The following PRSS23 variants were observed in gnomAD, a reference collection of about 807,000 sequenced individuals.
PRSS23 encodes protease, serine 23.
A neutral mutation model predicts 34.7 loss-of-function variants in PRSS23; 25 were observed. The observed-to-expected ratio is 0.72, with a 90% confidence interval of 0.53 to 1.01. The LOEUF is 1.01. Among genes scored for constraint, PRSS23 ranks in the 50% least tolerant of loss-of-function variants. The probability of loss-of-function intolerance (pLI) is 0.00; values close to 1 mark genes in which losing one functional copy is unlikely to be tolerated. For missense variants in PRSS23, 445 were observed against 475.6 expected (o/e 0.94, Z 0.60); for synonymous variants, 176 against 186.6 (o/e 0.94, Z 0.46).
intron 1 of PRSS23, among the ~76,000 whole-genome samples, chr11:86,820,581 C>T (rs1275098371): frequency 6.6e-6 from 1 of 152,166 alleles, no homozygotes; most frequent in African/African-American, 2.4e-5. Context: ...TTAAGTATTA[C>T]TAACGCTTTA....
intron 2 of PRSS23, among the ~76,000 whole-genome samples, chr11:86,854,299 C>T (rs907504644): frequency 9.2e-5 from 14 of 152,150 alleles, no homozygotes; most frequent in Admixed American, 1.3e-4. Context: ...CGCACCTGGC[C>T]GCTATATCTT....
intron 2 of PRSS23, among the ~76,000 whole-genome samples, chr11:86,892,834 G>A (rs1459384316): frequency 6.6e-6 from 1 of 152,114 alleles, no homozygotes; most frequent in Admixed American, 6.5e-5. Flanking sequence ...ATGTTTGAAA[G>A]TTTTGAGACC....
intron 1 of PRSS23, among the ~76,000 whole-genome samples, chr11:86,804,284 C>G (rs767904030): frequency 7.9e-5 from 12 of 152,202 alleles, no homozygotes; most frequent in Non-Finnish European, 1.5e-4. Flanking sequence ...TTAAAAATAT[C>G]TAAGCCTAAT....
chr11:86,946,104 CTG>C (rs796761368), intron 2 of PRSS23: 2 of 152,624 alleles, frequency 1.3e-5, no homozygotes, highest in African/African-American at 2.4e-5. Flanking sequence ...CACAACATCC[CTG>C]TGAGGTAGAC....
chr11:86,843,761 A>G (rs1948465938), intron 2 of PRSS23, among the ~76,000 whole-genome samples: 1 of 152,170 alleles, frequency 6.6e-6, no homozygotes, highest in South Asian at 2.1e-4. Flanking sequence ...AAAAGTCAGG[A>G]AACAACAGAT....
intron 2 of PRSS23, among the ~76,000 whole-genome samples, chr11:86,839,350 C>T (rs773878061): frequency 1.3e-5 from 2 of 150,414 alleles, no homozygotes; most frequent in Non-Finnish European, 3.0e-5. Context: ...ATGATGCATG[C>T]GTTATCAGTG....
At chr11:86,924,792 C>G (rs1222642024) in intron 2 of PRSS23, among the ~76,000 whole-genome samples, 2 of 152,184 alleles carry the variant, frequency 1.3e-5, no homozygotes, top group African/African-American at 4.8e-5. Context: ...GTGAACGGTT[C>G]AGTATGGCTT....
At chr11:86,823,294 G>A (rs1948267441) in intron 1 of PRSS23, 9 of 669,812 alleles carry the variant, frequency 1.3e-5, no homozygotes, top group Admixed American at 1.3e-4. Context: ...AGAGACTGAC[G>A]GTCCGAGATG....
intron 1 of PRSS23, among the ~76,000 whole-genome samples, chr11:86,801,915 T>C (rs1344510459): frequency 2.0e-5 from 3 of 152,244 alleles, no homozygotes; most frequent in African/African-American, 7.2e-5. Context: ...TAACTTGTCC[T>C]TTCCTGTGCC....
At chr11:86,865,624 A>G (rs986411372) in intron 2 of PRSS23, among the ~76,000 whole-genome samples, 2 of 152,128 alleles carry the variant, frequency 1.3e-5, no homozygotes, top group African/African-American at 4.8e-5. Context: ...GTTCTGTTTG[A>G]TCATCAGTTA....
chr11:86,857,770 A>G lies in PRSS23; in HGVS notation c.206+34177A>G, dbSNP rs910530753. 71 of 1,054,548 alleles carry G rather than the reference A, an allele frequency of 6.7e-5. 1 individual carries two copies. In the African/African-American group the frequency reaches 8.9e-4, roughly 13 times the overall value. 65.3% of individuals were successfully genotyped at this position (1,054,548 alleles called of 1,614,324 possible). ...TCTGCTATGCGACTGCATGTCCACA[A>G]TCATCTTGGGAACTGTGGCCGAGGT... On this transcript the variant is annotated intron_variant, in intron 2 of 2. Transcript: ENST00000533902.
intron 2 of PRSS23, among the ~76,000 whole-genome samples, chr11:86,942,717 T>TA (rs140459974): frequency 0.016 from 2,403 of 152,300 alleles, 26 homozygotes; most frequent in South Asian, 0.027. Context: ...AAAGATGAAA[T>TA]GACTGAAGGA....
At chr11:86,938,904 CAT>C in intron 2 of PRSS23, 1 of 349,200 alleles carries the variant, frequency 2.9e-6, no homozygotes, top group Non-Finnish European at 5.6e-6. Flanking sequence ...GTCAGTAAGA[CAT>C]ATACACCAGA....
chr11:86,910,512 A>G (rs2134992945), intron 2 of PRSS23: 2 of 152,240 alleles, frequency 1.3e-5, no homozygotes, highest in East Asian at 3.8e-4. Context: ...CAGGTAAAAA[A>G]TAACATATGG....
intron 2 of PRSS23, among the ~76,000 whole-genome samples, chr11:86,840,620 T>A (rs532080662): frequency 5.5e-4 from 83 of 152,288 alleles, no homozygotes; most frequent in African/African-American, 1.9e-3. Context: ...CTAATAGACA[T>A]CTACAGAACT....
chr11:86,858,346 A>G (rs538869697), intron 2 of PRSS23, among the ~76,000 whole-genome samples: 2 of 152,162 alleles, frequency 1.3e-5, no homozygotes, highest in Admixed American at 6.5e-5. Flanking sequence ...AGGGGTTTAC[A>G]TCACTCCTGT....
chr11:86,920,955 GA>G (rs1170257215), intron 2 of PRSS23, among the ~76,000 whole-genome samples: 1 of 152,134 alleles, frequency 6.6e-6, no homozygotes, highest in Non-Finnish European at 1.5e-5. Flanking sequence ...GCTACAGTAA[GA>G]AACTTTCTTT....
chr11:86,871,814 A>C (rs762183391), intron 2 of PRSS23, among the ~76,000 whole-genome samples: 5 of 152,246 alleles, frequency 3.3e-5, no homozygotes, highest in Non-Finnish European at 7.3e-5. Context: ...ACAAGAAGCC[A>C]ACTATGCAGA....
chr11:86,939,426 A>ATATATATTT, intron 2 of PRSS23, among the ~76,000 whole-genome samples: 158 of 94,020 alleles, frequency 1.7e-3, no homozygotes, highest in Middle Eastern at 0.014. Flanking sequence ...ATATATATAT[A>ATATATATTT]TTTTTTAACA....
Sources: allele counts gnomAD v4.1 joint callset (sites outside exome capture counted in the v4.1 genomes callset), GRCh38; gene constraint gnomAD v4.1.1; transcripts MANE v1.5; gene names NCBI Gene and HGNC (gene_info 2026-07-23, HGNC 2026-07-21).